PRRX2: variants seen among roughly 807,000 people sequenced by gnomAD.
The protein encoded by PRRX2 is paired mesoderm homeobox protein 2.
PRRX2 carries 11 observed loss-of-function variants against 18.0 expected under a neutral mutation model. The ratio of observed to expected loss-of-function variants is 0.61; its 90% CI spans 0.39 to 1.01. The LOEUF (loss-of-function observed/expected upper bound fraction) is 1.01. PRRX2 is among the 50% of genes least tolerant of loss of function. PRRX2 has a pLI of 0.01. For synonymous variants in PRRX2, 177 were observed against 154.8 expected, an observed-to-expected ratio of 1.14 and a Z score of -1.06; for missense variants, 387 against 351.0, an observed-to-expected ratio of 1.10 and a Z score of -0.82.
rs573155834 is a variant in PRRX2 at position 129,667,459 on chromosome 9, C to T, written c.259+1333C>T. The stretch of plus-strand genomic sequence containing the variant: ...CAACCCCAGGACAGAGGAGAGGTCC[C>T]GGTTTACCCTGATGAAGGGAGACTC... On this transcript the variant is annotated intron_variant, in intron 1 of 3. Transcript: ENST00000372469. Among the ~76,000 whole-genome samples the T allele has an allele frequency of 5.9e-5, 9 of 152,204 alleles. No individual in the cohort carries two copies. The South Asian group carries it at 1.0e-3, about 18-fold the overall frequency.
intron 1 of PRRX2, among the ~76,000 whole-genome samples, chr9:129,717,871 A>G (rs1318598186): frequency 1.3e-5 from 2 of 152,132 alleles, no homozygotes; most frequent in Non-Finnish European, 2.9e-5. Flanking sequence ...AGAAAAAATC[A>G]GATACAAAAG....
chr9:129,717,261 G>T (rs894177651), intron 1 of PRRX2, among the ~76,000 whole-genome samples: 3 of 151,928 alleles, frequency 2.0e-5, no homozygotes, highest in African/African-American at 7.3e-5. Context: ...GTAGAGATGG[G>T]GTTTCACCAT....
chr9:129,702,924 G>A (rs1832514937), intron 1 of PRRX2, among the ~76,000 whole-genome samples: 2 of 152,258 alleles, frequency 1.3e-5, no homozygotes, highest in African/African-American at 4.8e-5. Flanking sequence ...GCTGCCCTCA[G>A]AGGCTAGCAA....
At chr9:129,688,685 C>T (rs1045389940) in intron 1 of PRRX2, among the ~76,000 whole-genome samples, 13 of 152,324 alleles carry the variant, frequency 8.5e-5, no homozygotes, top group Admixed American at 6.5e-4. Context: ...CACCTGAAAC[C>T]TGGGAGCCTA....
chr9:129,666,022 C>G lies in PRRX2; in HGVS notation c.155C>G (p.Ala52Gly). The G allele has an allele frequency of 9.4e-7, 1 of 1,061,968 alleles. No homozygotes were observed. The highest frequency in any genetic ancestry group is 1.1e-6 in the Non-Finnish European group (1 of 882,978). The allele number at this position is 1,061,968 out of a possible 1,614,324, so 65.8% of individuals were successfully genotyped here. The change falls in exon 1 of 4, where the codon GCC (alanine) becomes GGC (glycine). Residue 52 changes from alanine (A) to glycine (G), a missense_variant. Transcript: ENST00000372469. ...HLLDLEEVAA[A>G]GRLAARPGAR... ...CTGGACCTGGAAGAGGTGGCGGCGG[C>G]CGGGCGGCTGGCGGCGCGCCCCGGG...
At chr9:129,673,178 G>A (rs1218034558) in intron 1 of PRRX2, among the ~76,000 whole-genome samples, 1 of 152,214 alleles carries the variant, frequency 6.6e-6, no homozygotes, top group Non-Finnish European at 1.5e-5. Context: ...GCTGGGCAAG[G>A]TGGCTCAAGC....
intron 1 of PRRX2, among the ~76,000 whole-genome samples, chr9:129,702,126 G>A (rs1316803232): frequency 6.7e-6 from 1 of 149,100 alleles, no homozygotes; most frequent in Non-Finnish European, 1.5e-5. Context: ...TGCCAGGCGC[G>A]GTGGCTCACA....
chr9:129,698,851 C>T (rs1384471997), intron 1 of PRRX2, among the ~76,000 whole-genome samples: 2 of 152,216 alleles, frequency 1.3e-5, no homozygotes, highest in African/African-American at 2.4e-5. Flanking sequence ...GAGATGAAAC[C>T]TTGGGCTTGG....
At position 129,684,101 on chromosome 9, in the gene PRRX2, C is replaced by G. The variant is rs1832266401; in HGVS notation, c.259+17975C>G. Reference sequence around the variant, plus strand: ...GTCCACCAGTCCCTCTGGCACTGTGCTCCCTGCAGACCTGGGGGTGAGGGG... The same window carrying G: ...GTCCACCAGTCCCTCTGGCACTGTGGTCCCTGCAGACCTGGGGGTGAGGGG... On this transcript the variant is annotated intron_variant, in intron 1 of 3. Coordinates refer to ENST00000372469, the MANE Select transcript of PRRX2 (RefSeq NM_016307.4). Among the ~76,000 whole-genome samples, 3 of 152,188 alleles carry G rather than the reference C, an allele frequency of 2.0e-5. 1 individual carries two copies. The South Asian group carries it at 6.2e-4, about 31-fold the overall frequency.
Position 129,666,123 on chromosome 9 carries a change from G to A in PRRX2, c.256G>A (p.Asp86Asn). The A allele has an allele frequency of 9.8e-7, 1 of 1,017,836 alleles. No individual in the cohort carries two copies. The highest frequency in any genetic ancestry group is 1.2e-6 in the Non-Finnish European group (1 of 853,120). The allele number at this position is 1,017,836 out of a possible 1,614,324, so 63.1% of individuals were successfully genotyped here. A position where few individuals can be genotyped will look rare whatever the true frequency, so the allele number is the denominator to read the frequency against. ...CAGCGGCAGCGAGGCGGCGCCGCAG[G>A]ATGGTGAGTACGGCCGGCCAGGGAC... ...GSSGSEAAPQ[D>N]GECPSPGRGS... is the part of the protein sequence containing the mutation. Residue 86 changes from aspartate (D) to asparagine (N), a missense_variant, in exon 1 of 4, where the codon GAT becomes AAT. By Grantham distance (23) the Asp-to-Asn change is conservative (BLOSUM62 1). Transcript: ENST00000372469.
intron 1 of PRRX2, among the ~76,000 whole-genome samples, chr9:129,700,342 CTT>C (rs34482094): frequency 1.3e-4 from 18 of 138,268 alleles, no homozygotes; most frequent in East Asian, 2.1e-4. Context: ...TTGTTGTTGG[CTT>C]TTTTTTTTTT....
chr9:129,699,858 G>C lies in PRRX2; in HGVS notation c.260-19373G>C, dbSNP rs540616849. Among the ~76,000 whole-genome samples the C allele has an allele frequency of 2.0e-5, 3 of 152,270 alleles. No individual in the cohort carries two copies. The South Asian group carries it at 6.2e-4, about 32-fold the overall frequency. ...AGTGTCCCAGGGAGCAGAGAACTTGGTCTCTGAGGCACCGACAGCAGCTGT... is the reference window on the plus strand; with the variant it reads ...AGTGTCCCAGGGAGCAGAGAACTTGCTCTCTGAGGCACCGACAGCAGCTGT... On this transcript the variant is annotated intron_variant, in intron 1 of 3. Coordinates refer to ENST00000372469, the MANE Select transcript of PRRX2 (RefSeq NM_016307.4).
In PRRX2 at chr9:129,711,523, A is replaced by C. The variant is rs149667157; in HGVS notation, c.260-7708A>C. On this transcript the variant is annotated intron_variant, in intron 1 of 3. Transcript: ENST00000372469. ...CGGGTTTAAGCAATTCTCATGCCCC[A>C]GCCTCCCAAGTAGCTGGGATTATAG... Among the ~76,000 whole-genome samples the C allele has an allele frequency of 4.0e-3, 577 of 144,578 alleles. 7 individuals are homozygous for C. The highest frequency in any genetic ancestry group is 0.014 in the African/African-American group (558 of 38,634). The allele number at this position is 144,578 out of a possible 152,430, so 94.8% of individuals were successfully genotyped here.
intron 1 of PRRX2, among the ~76,000 whole-genome samples, chr9:129,684,576 G>T (rs1172097771): frequency 2.6e-5 from 4 of 151,246 alleles, no homozygotes; most frequent in Non-Finnish European, 5.9e-5. Context: ...AAGTCTCGCT[G>T]TGCCATGATT....
intron 1 of PRRX2, among the ~76,000 whole-genome samples, chr9:129,688,671 G>A (rs551871730): frequency 2.0e-5 from 3 of 152,322 alleles, no homozygotes; most frequent in African/African-American, 7.2e-5. Context: ...GGGCCCCAAA[G>A]AGACACCTGA....
intron 1 of PRRX2, among the ~76,000 whole-genome samples, chr9:129,697,330 C>T (rs1273427105): frequency 6.6e-6 from 1 of 152,058 alleles, no homozygotes; most frequent in Non-Finnish European, 1.5e-5. Context: ...GCTCCCCCTC[C>T]CCTAGGCCGT....
chr9:129,677,227 A>G (rs575505345), intron 1 of PRRX2, among the ~76,000 whole-genome samples: 1 of 152,346 alleles, frequency 6.6e-6, no homozygotes, highest in African/African-American at 2.4e-5. Context: ...TCCGAGCTCT[A>G]GGATTTATGC....
rs1018123927 is a variant in PRRX2 at position 129,681,599 on chromosome 9, C to T, written c.259+15473C>T. ...ATGCGGCAGCAGGTGGGGAGATGCC[C>T]GTGTCTGGGGCACCCAGAAAAGTTG... On this transcript the variant is annotated intron_variant, in intron 1 of 3. Coordinates refer to ENST00000372469, the MANE Select transcript of PRRX2 (RefSeq NM_016307.4). Among the ~76,000 whole-genome samples, 11 of 152,246 alleles carry T rather than the reference C, an allele frequency of 7.2e-5. No individual in the cohort carries two copies. In the East Asian group the frequency reaches 2.1e-3, roughly 29 times the overall value.
At chr9:129,714,718 G>A (rs924471213) in intron 1 of PRRX2, among the ~76,000 whole-genome samples, 3 of 152,150 alleles carry the variant, frequency 2.0e-5, no homozygotes, top group African/African-American at 4.8e-5. Flanking sequence ...TGTTTCTTCG[G>A]GCGCTTACTC....
Sources: gnomAD v4.1 joint callset for allele counts (sites outside exome capture counted in the v4.1 genomes callset) on GRCh38, gnomAD v4.1.1 for gene constraint, MANE v1.5 for transcripts, NCBI Gene and HGNC (gene_info 2026-07-23, HGNC 2026-07-21) for gene names.